WDR7: variants seen among roughly 807,000 people sequenced by gnomAD.
WDR7 encodes the protein WD repeat-containing protein 7.
A neutral mutation model predicts 169.4 loss-of-function variants in WDR7; 46 were observed. The observed-to-expected ratio is 0.27, with a 90% CI of 0.21 to 0.35. The LOEUF (loss-of-function observed/expected upper bound fraction) is 0.35. WDR7 is among the 10% of genes least tolerant of loss of function. The pLI is 1.00. For synonymous variants in WDR7, 612 were observed against 666.8 expected (o/e 0.92, Z 1.27); for missense variants, 1,534 against 1,859.3 (o/e 0.83, Z 3.22).
At chr18:56,905,258 C>G (rs2046460117) in intron 21 of WDR7, among the ~76,000 whole-genome samples, 1 of 152,200 alleles carries the variant, frequency 6.6e-6, no homozygotes, top group South Asian at 2.1e-4. Flanking sequence ...AAGAGATTCT[C>G]ATGCCTCAGC....
Position 56,923,996 on chromosome 18 carries a change from G to A in WDR7, c.3601G>A (p.Ala1201Thr). The change falls in exon 22 of 28, where the codon GCC becomes ACC. Residue 1201 changes from alanine (A) to threonine (T), a missense_variant. Transcript: ENST00000254442. ...LPPHSTIRRTAIDLIGRGFTV... is the reference protein window; with the variant it reads ...LPPHSTIRRTTIDLIGRGFTV... ...TCCACACAGCACTATCCGAAGAACAGCCATTGATCTGATTGGACGTGGGTT... is the reference window on the plus strand; with the variant it reads ...TCCACACAGCACTATCCGAAGAACAACCATTGATCTGATTGGACGTGGGTT... 1 of 1,612,198 alleles carries A rather than the reference G, an allele frequency of 6.2e-7. No homozygotes were observed. Among genetic ancestry groups the A allele is most frequent in the Non-Finnish European group, 8.5e-7 (1 of 1,179,380 alleles).
At chr18:56,980,464 T>C (rs896216078) in intron 26 of WDR7, among the ~76,000 whole-genome samples, 10 of 152,310 alleles carry the variant, frequency 6.6e-5, no homozygotes, top group African/African-American at 2.4e-4. Context: ...AGTAGGTGTG[T>C]GTGCTGGGTT....
At chr18:56,735,425 A>C (rs186100052) in intron 14 of WDR7, among the ~76,000 whole-genome samples, 1 of 152,198 alleles carries the variant, frequency 6.6e-6, no homozygotes, top group Non-Finnish European at 1.5e-5. Context: ...GGGTGTGTGC[A>C]AGTCAGCAAA....
At chr18:56,778,022 A>G (rs1305342056) in intron 17 of WDR7, among the ~76,000 whole-genome samples, 1 of 152,236 alleles carries the variant, frequency 6.6e-6, no homozygotes, top group Admixed American at 6.5e-5. Flanking sequence ...TTATACTTAT[A>G]TGAAACATTG....
intron 1 of WDR7, among the ~76,000 whole-genome samples, chr18:56,664,144 A>G (rs1351710088): frequency 6.6e-6 from 1 of 152,192 alleles, no homozygotes; most frequent in East Asian, 1.9e-4. Context: ...CTTGTCTTAT[A>G]AGGTATTGCT....
intron 16 of WDR7, among the ~76,000 whole-genome samples, chr18:56,773,684 A>G (rs1468325556): frequency 6.6e-6 from 1 of 152,128 alleles, no homozygotes; most frequent in East Asian, 1.9e-4. Flanking sequence ...ATTTATCCAA[A>G]TGTTTCATGT....
At chr18:56,819,959 G>T (rs1363947289) in intron 20 of WDR7, among the ~76,000 whole-genome samples, 1 of 151,858 alleles carries the variant, frequency 6.6e-6, no homozygotes, top group Non-Finnish European at 1.5e-5. Flanking sequence ...TTATTAATAG[G>T]TCATAATTAT....
At chr18:56,787,000 G>A (rs1056506236) in intron 19 of WDR7, among the ~76,000 whole-genome samples, 3 of 151,954 alleles carry the variant, frequency 2.0e-5, no homozygotes, top group Admixed American at 6.5e-5. Context: ...TGAAATTTTT[G>A]CATTATAATT....
chr18:56,936,013 C>A, intron 23 of WDR7, 108 bp downstream of exon 23: 1 of 1,033,450 alleles, frequency 9.7e-7, no homozygotes, highest in Non-Finnish European at 1.4e-6. Context: ...TATTCTAGAA[C>A]AATGCAAGTT....
At chr18:56,914,780 G>A (rs2145612340) in intron 21 of WDR7, among the ~76,000 whole-genome samples, 1 of 152,222 alleles carries the variant, frequency 6.6e-6, no homozygotes, top group East Asian at 1.9e-4. Flanking sequence ...CATGCATTAA[G>A]TAACATCATT....
chr18:56,734,974 A>G (rs866346624), intron 14 of WDR7, among the ~76,000 whole-genome samples: 4 of 152,202 alleles, frequency 2.6e-5, no homozygotes, highest in Admixed American at 1.3e-4. Context: ...GAATTGTGTC[A>G]TAGAAGAACT....
chr18:56,719,941 G>A lies in WDR7; in HGVS notation c.1774+1782G>A, dbSNP rs185472441. Reference sequence around the variant, plus strand: ...TAAGTGTGTTTATATGTATGTGTATGTGTGTGCAATTGTAAGCTTGTGTGT... The same window carrying A: ...TAAGTGTGTTTATATGTATGTGTATATGTGTGCAATTGTAAGCTTGTGTGT... On this transcript the variant is annotated intron_variant, in intron 13 of 27. Transcript: ENST00000254442. 1.4e-4 allele frequency among the ~76,000 whole-genome samples: 21 copies of A among 152,276 alleles called. 2 individuals are homozygous for A. The East Asian group carries it at 3.9e-3, about 28-fold the overall frequency.
intron 26 of WDR7, among the ~76,000 whole-genome samples, chr18:57,002,254 T>G (rs908540245): frequency 6.6e-6 from 1 of 152,154 alleles, no homozygotes; most frequent in African/African-American, 2.4e-5. Flanking sequence ...CATAAAAAAA[T>G]TAAACATAAC....
At chr18:56,876,111 T>C (rs1226682478) in intron 20 of WDR7, among the ~76,000 whole-genome samples, 1 of 152,138 alleles carries the variant, frequency 6.6e-6, no homozygotes, top group East Asian at 1.9e-4. Context: ...CCTCTTTAGT[T>C]TGCCTTACCT....
At chr18:56,902,916 G>T (rs563438791) in intron 21 of WDR7, among the ~76,000 whole-genome samples, 1 of 152,144 alleles carries the variant, frequency 6.6e-6, no homozygotes, top group African/African-American at 2.4e-5. Flanking sequence ...TCAAAAATGC[G>T]TTTTATGTCT....
chr18:56,979,252 G>A (rs577743579), intron 26 of WDR7, among the ~76,000 whole-genome samples: 119 of 152,198 alleles, frequency 7.8e-4, no homozygotes, highest in African/African-American at 2.8e-3. Flanking sequence ...TAGGGTTTTA[G>A]TTATTCCTTT....
chr18:56,851,085 G>T (rs1390861800), intron 20 of WDR7, among the ~76,000 whole-genome samples: 1 of 150,198 alleles, frequency 6.7e-6, no homozygotes, highest in East Asian at 1.9e-4. Flanking sequence ...AATCCTCCCT[G>T]CTGCCAAAAT....
At chr18:56,757,498 CACCA>C in intron 15 of WDR7, 146 bp downstream of exon 15, 2 of 784,292 alleles carry the variant, frequency 2.6e-6, no homozygotes, top group South Asian at 2.9e-5. Context: ...CATTTTAAAA[CACCA>C]GTTTCAAAAT....
At chr18:56,998,298 A>G (rs1304071118) in intron 26 of WDR7, among the ~76,000 whole-genome samples, 1 of 152,192 alleles carries the variant, frequency 6.6e-6, no homozygotes, top group African/African-American at 2.4e-5. Flanking sequence ...TTCACTGGGC[A>G]TCACAGCAGC....
Sources: allele counts gnomAD v4.1 joint callset (sites outside exome capture counted in the v4.1 genomes callset), GRCh38; gene constraint gnomAD v4.1.1; transcripts MANE v1.5; gene names NCBI Gene and HGNC (gene_info 2026-07-23, HGNC 2026-07-21).